The following SEC16B variants were observed in gnomAD, a reference collection of about 807,000 sequenced individuals.
SEC16B encodes the protein protein transport protein Sec16B.
A neutral mutation model predicts 141.8 loss-of-function variants in SEC16B; 115 were observed. The observed-to-expected ratio is 0.81, with a 90% CI of 0.70 to 0.95. The LOEUF (loss-of-function observed/expected upper bound fraction) is 0.95, where lower values mean the gene tolerates loss of function less well. Among genes scored for constraint, SEC16B ranks in the 40% least tolerant of loss-of-function variants. SEC16B has a pLI of 0.00. For synonymous variants in SEC16B, 493 were observed against 492.5 expected (o/e 1.00, Z -0.01); for missense variants, 1,291 against 1,312.3 (o/e 0.98, Z 0.25).
chr1:177,969,266 C>T (rs976784388), intron 1 of SEC16B, among the ~76,000 whole-genome samples: 107 of 152,128 alleles, frequency 7.0e-4, no homozygotes, highest in African/African-American at 2.5e-3. Flanking sequence ...CACCAGGGAG[C>T]CGAGGTCGAC....
At chr1:177,935,664 A>G (rs1354558685) in intron 20 of SEC16B, among the ~76,000 whole-genome samples, 1 of 81,238 alleles carries the variant, frequency 1.2e-5, no homozygotes, top group Non-Finnish European at 2.5e-5. Context: ...TCAGTCAGGA[A>G]AAAAAAAAAA....
intron 9 of SEC16B, 68 bp downstream of exon 9, chr1:177,958,771 TA>T: frequency 6.6e-7 from 1 of 1,516,390 alleles, no homozygotes; most frequent in Non-Finnish European, 8.9e-7. Flanking sequence ...GTCATAAACA[TA>T]ATCTTATCTA....
At chr1:177,956,386 G>T (rs1009110545) in intron 10 of SEC16B, among the ~76,000 whole-genome samples, 3 of 151,954 alleles carry the variant, frequency 2.0e-5, no homozygotes, top group Admixed American at 6.6e-5. Flanking sequence ...GTTTTCTGAG[G>T]TATTTTGTAA....
chr1:177,930,004 G>T, intron 25 of SEC16B, 75 bp from the exon 26 acceptor site: 1 of 1,440,130 alleles, frequency 6.9e-7, no homozygotes, highest in South Asian at 1.2e-5. Context: ...TGGACAGATG[G>T]AGCTAGGGCA....
chr1:177,980,896 T>C (rs7531743), intron 1 of SEC16B, among the ~76,000 whole-genome samples: 38,516 of 151,724 alleles, frequency 0.25, 5,537 homozygotes, highest in East Asian at 0.48. Context: ...AGAACAGACA[T>C]GATGAGGGCT....
intron 1 of SEC16B, among the ~76,000 whole-genome samples, chr1:177,979,498 C>T (rs954836983): frequency 6.6e-6 from 1 of 152,188 alleles, no homozygotes; most frequent in Non-Finnish European, 1.5e-5. Flanking sequence ...TATAGCAAAG[C>T]TCCCCAGCAG....
intron 11 of SEC16B, among the ~76,000 whole-genome samples, chr1:177,952,977 C>T (rs888412630): frequency 1.3e-4 from 20 of 151,108 alleles, no homozygotes; most frequent in Non-Finnish European, 2.2e-4. Context: ...ATTAGGCCCC[C>T]GGACTGAACT....
chr1:177,934,335 C>G (rs889047201), intron 20 of SEC16B, among the ~76,000 whole-genome samples: 5 of 152,198 alleles, frequency 3.3e-5, no homozygotes, highest in African/African-American at 7.2e-5. Flanking sequence ...TGCCATTCCA[C>G]TTTATGTCTC....
chr1:177,975,397 T>C (rs1053547001), intron 1 of SEC16B, among the ~76,000 whole-genome samples: 9 of 152,182 alleles, frequency 5.9e-5, no homozygotes, highest in African/African-American at 2.2e-4. Flanking sequence ...AGCCTGAGTA[T>C]AGAATTAAAT....
chr1:177,978,809 A>G (rs1003673649), intron 1 of SEC16B, among the ~76,000 whole-genome samples: 2 of 152,166 alleles, frequency 1.3e-5, no homozygotes, highest in East Asian at 3.8e-4. Context: ...CTTTTATCAT[A>G]GCAGTTCATA....
At chr1:177,977,168 T>C (rs12093558) in intron 1 of SEC16B, among the ~76,000 whole-genome samples, 24,834 of 152,100 alleles carry the variant, frequency 0.16, 2,945 homozygotes, top group African/African-American at 0.33. Context: ...CAGATACACA[T>C]ACACACACAT....
At chr1:177,944,443 G>A (rs1651516363) in intron 15 of SEC16B, 118 bp downstream of exon 15, 1 of 747,376 alleles carries the variant, frequency 1.3e-6, no homozygotes, top group Admixed American at 2.4e-5. Context: ...AAGCTAATGA[G>A]GAAAAGTTCA....
In SEC16B at chr1:177,944,641, T is replaced by C; in HGVS notation, c.1801A>G (p.Thr601Ala). ...ATTTCCGTCCTCTGGATTGCCTCAG[T>C]TGTTGCAAATTTCAAAAACTCTTGA... ...HSQEFLKFAT[T>A]EAIQRTEIFE... The change falls in exon 15 of 26, where the codon ACT becomes GCT. Residue 601 changes from threonine to alanine, a missense_variant. By Grantham distance (58) the Thr-to-Ala change is moderately conservative. This residue lies in a region of SEC16B where 605 missense variants were observed against 614.1 expected (regional missense o/e 0.99). Coordinates refer to ENST00000308284, the MANE Select transcript of SEC16B (RefSeq NM_033127.4). The C allele has an allele frequency of 6.2e-7, 1 of 1,613,828 alleles. No individual in the cohort carries two copies. Among genetic ancestry groups the C allele is most frequent in the Non-Finnish European group, 8.5e-7 (1 of 1,179,824 alleles).
chr1:177,958,099 T>C, intron 10 of SEC16B, 33 bp downstream of exon 10: 1 of 1,416,410 alleles, frequency 7.1e-7, no homozygotes. Flanking sequence ...TGATTGCTTT[T>C]TCAAAATAAG....
Position 177,967,814 on chromosome 1 carries a change from G to A in SEC16B, c.168C>T (p.Pro56=). ...FHQWQDNRGS[P]QPQQEPRADH... is the part of the protein sequence containing the mutation. Reference sequence around the variant, plus strand: ...CTGCCCTGGGCTCCTGCTGTGGCTGGGGGCTCCCACGGTTGTCTTGCCATT... The same window carrying A: ...CTGCCCTGGGCTCCTGCTGTGGCTGAGGGCTCCCACGGTTGTCTTGCCATT... The change falls in exon 2 of 26, where the codon CCC becomes CCT. Residue 56 remains proline (P), a synonymous_variant. Coordinates refer to ENST00000308284, the MANE Select transcript of SEC16B (RefSeq NM_033127.4). 1 of 1,613,990 alleles carries A rather than the reference G, an allele frequency of 6.2e-7. No individual in the cohort carries two copies. Among genetic ancestry groups the A allele is most frequent in the Non-Finnish European group, 8.5e-7 (1 of 1,179,894 alleles).
rs749639970 is a variant in SEC16B, at chr1:177,936,307, GGA to G, written c.2560_2561del (p.Ser854GlnfsTer9). On this transcript the variant is annotated frameshift_variant, in exon 20 of 26. Transcript: ENST00000308284. LOFTEE classifies it high-confidence loss of function. ...SQPPDGQEVI[S>X]KPQTPLAARP... Reference sequence around the variant, plus strand: ...TGCTGTGCGCTCTCACCTGTGGTTTGGAAATGACCTCTTGGCCATCAGGAGGC... The same window carrying G: ...TGCTGTGCGCTCTCACCTGTGGTTTGAATGACCTCTTGGCCATCAGGAGGC... The G allele has an allele frequency of 6.2e-7, 1 of 1,610,038 alleles. No homozygotes were observed. Among genetic ancestry groups the G allele is most frequent in the Admixed American group, 1.7e-5 (1 of 59,568 alleles).
chr1:177,978,700 C>CAAAT (rs3040686), intron 1 of SEC16B, among the ~76,000 whole-genome samples: 42,977 of 136,836 alleles, frequency 0.31, 7,133 homozygotes, highest in Non-Finnish European at 0.37. Context: ...GACCCTGTCT[C>CAAAT]AAATAAATAA....
intron 7 of SEC16B, 147 bp from the exon 8 acceptor site, chr1:177,960,550 G>A: frequency 1.4e-6 from 1 of 719,484 alleles, no homozygotes; most frequent in Non-Finnish European, 2.4e-6. Context: ...AGTGAATTTT[G>A]TTGCTAAAGA....
intron 10 of SEC16B, among the ~76,000 whole-genome samples, chr1:177,957,344 G>A (rs1652688505): frequency 6.6e-6 from 1 of 151,726 alleles, no homozygotes; most frequent in Non-Finnish European, 1.5e-5. Context: ...TTTTTAAATG[G>A]CGCTATTGGG....
Sources: gnomAD v4.1 joint callset for allele counts (sites outside exome capture counted in the v4.1 genomes callset) on GRCh38, gnomAD v4.1.1 for gene constraint, gnomAD v4.1.1 regional missense constraint, MANE v1.5 for transcripts, NCBI Gene and HGNC (gene_info 2026-07-23, HGNC 2026-07-21) for gene names.